AK9: variants seen among roughly 807,000 people sequenced by gnomAD.
AK9 encodes the protein adenylate kinase domain containing 1.
Under a neutral mutation model 239.6 loss-of-function variants are expected in AK9, and 191 were observed. The observed-to-expected ratio is 0.80, with a 90% CI of 0.71 to 0.90. The LOEUF (loss-of-function observed/expected upper bound fraction) is 0.90. Among genes scored for constraint, AK9 ranks in the 40% least tolerant of loss-of-function variants. The pLI, the probability that AK9 is intolerant of heterozygous loss-of-function variation, is 0.00. For missense variants in AK9, 1,995 were observed against 2,214.7 expected, an observed-to-expected ratio of 0.90 and a Z score of 1.99; for synonymous variants, 689 against 721.0, an observed-to-expected ratio of 0.96 and a Z score of 0.71.
chr6:109,529,879 C>A (rs944980014), intron 28 of AK9, among the ~76,000 whole-genome samples: 4 of 152,166 alleles, frequency 2.6e-5, no homozygotes, highest in Non-Finnish European at 5.9e-5. Context: ...GCTTCACTCA[C>A]TTGCCCACTC....
intron 35 of AK9, among the ~76,000 whole-genome samples, chr6:109,500,470 G>A (rs1777498795): frequency 2.0e-5 from 3 of 152,166 alleles, no homozygotes; most frequent in Admixed American, 2.0e-4. Flanking sequence ...GTTATAATGA[G>A]TGGACTTATT....
At chr6:109,543,261 A>G (rs1380091501) in intron 26 of AK9, among the ~76,000 whole-genome samples, 2 of 152,182 alleles carry the variant, frequency 1.3e-5, no homozygotes, top group Non-Finnish European at 2.9e-5. Flanking sequence ...TAGCTAAGGT[A>G]TGATAAACTG....
intron 29 of AK9, among the ~76,000 whole-genome samples, chr6:109,517,892 G>A (rs1389822261): frequency 1.3e-5 from 2 of 152,076 alleles, no homozygotes; most frequent in African/African-American, 4.8e-5. Context: ...TCTCCCTGTA[G>A]TATTCCTTGT....
chr6:109,497,760 A>G, intron 37 of AK9, 36 bp downstream of exon 37: 1 of 1,592,822 alleles, frequency 6.3e-7, no homozygotes, highest in Non-Finnish European at 8.6e-7. Context: ...TGGCGTAGCA[A>G]TATCATTCTA....
chr6:109,593,443 G>T (rs1790561288), intron 17 of AK9, among the ~76,000 whole-genome samples: 1 of 152,038 alleles, frequency 6.6e-6, no homozygotes, highest in African/African-American at 2.4e-5. Context: ...GTACAAAGAG[G>T]AGCCGGTACC....
Position 109,533,409 on chromosome 6 carries a change from C to T in AK9, c.3412G>A (p.Asp1138Asn), listed in dbSNP as rs754985413. ...RYPEEAQFLGDRGFFPDAAVF... is the reference protein window; with the variant it reads ...RYPEEAQFLGNRGFFPDAAVF... ...GCTGCATCTGGGAAAAATCCACGAT[C>T]TCCCAAAAACTGGGCCTCTTCTGGA... The change falls in exon 28 of 41, where the codon GAT becomes AAT. Residue 1138 changes from aspartate (D) to asparagine (N), a missense_variant. By Grantham distance (23) the Asp-to-Asn change is conservative (BLOSUM62 1). Around this residue, in one of 5 missense-constraint regions of AK9, gnomAD observed 1,290 missense variants for 1,392.7 expected, o/e 0.93. Coordinates refer to ENST00000424296, the MANE Select transcript of AK9 (RefSeq NM_001145128.3). The T allele has an allele frequency of 6.2e-7, 1 of 1,610,994 alleles. No individual in the cohort carries two copies. Among genetic ancestry groups the T allele is most frequent in the African/African-American group, 1.3e-5 (1 of 74,964 alleles).
At chr6:109,674,479 T>G (rs898123152) in intron 2 of AK9, among the ~76,000 whole-genome samples, 1 of 152,200 alleles carries the variant, frequency 6.6e-6, no homozygotes, top group Non-Finnish European at 1.5e-5. Context: ...AAATAAACTT[T>G]TTAATATTAA....
intron 28 of AK9, among the ~76,000 whole-genome samples, chr6:109,533,037 T>A (rs184245103): frequency 8.3e-4 from 127 of 152,300 alleles, no homozygotes; most frequent in African/African-American, 3.0e-3. Context: ...ACCTTTCATT[T>A]GCCATAAAGA....
chr6:109,666,642 C>A, intron 5 of AK9, among the ~76,000 whole-genome samples: 1 of 152,196 alleles, frequency 6.6e-6, no homozygotes, highest in Non-Finnish European at 1.5e-5. Flanking sequence ...CACTTTGCCA[C>A]CATTTCTTGG....
Position 109,662,565 on chromosome 6 carries a change from T to A in AK9, c.430A>T (p.Ile144Leu), listed in dbSNP as rs755592006. The A allele has an allele frequency of 1.9e-6, 3 of 1,553,860 alleles. No individual in the cohort carries two copies. The highest frequency in any genetic ancestry group is 4.8e-5 in the East Asian group (2 of 41,658). ...AATATCCTTACCTTTATATTGATTA[T>A]AACATCAGGTTTCAGGTTTAAGTTT... is the stretch of plus-strand genomic sequence containing the variant. ...IKNLNLKPDV[I>L]INIKCPDYDL... The change falls in exon 6 of 41, where the codon ATA becomes TTA. Residue 144 changes from isoleucine (I) to leucine (L), a missense_variant. Ile to Leu is a conservative substitution (Grantham distance 5, BLOSUM62 2). Coordinates refer to ENST00000424296, the MANE Select transcript of AK9 (RefSeq NM_001145128.3).
At chr6:109,554,555 A>G (rs750865679) in intron 24 of AK9, among the ~76,000 whole-genome samples, 13 of 143,914 alleles carry the variant, frequency 9.0e-5, no homozygotes, top group Admixed American at 2.8e-4. Flanking sequence ...TTTTGGAGAA[A>G]AAGTCTCATT....
chr6:109,532,704 T>C (rs1373856081), intron 28 of AK9, among the ~76,000 whole-genome samples: 3 of 152,252 alleles, frequency 2.0e-5, no homozygotes, highest in Non-Finnish European at 4.4e-5. Context: ...ATAATGGTTA[T>C]GAACATTCAC....
At chr6:109,509,492 A>G in intron 32 of AK9, 112 bp from the exon 33 acceptor site, 2 of 932,910 alleles carry the variant, frequency 2.1e-6, no homozygotes, top group South Asian at 3.5e-5. Context: ...GCTTCTAATG[A>G]TCCTGTCCCC....
Position 109,632,080 on chromosome 6 carries a change from A to G in AK9, c.1254+843T>C, listed in dbSNP as rs564758972. On this transcript the variant is annotated intron_variant, in intron 12 of 40. Coordinates refer to ENST00000424296, the MANE Select transcript of AK9 (RefSeq NM_001145128.3). The stretch of plus-strand genomic sequence containing the variant: ...GAGAGGGCGTCTGGGTGCTGGCAAC[A>G]TTCCAGATTTGACCTGGTTGGTGGT... The G allele has an allele frequency of 2.0e-4, 172 of 861,688 alleles. No individual in the cohort carries two copies. The African/African-American group carries it at 3.1e-3, about 15-fold the overall frequency. 53.4% of individuals were successfully genotyped at this position (861,688 alleles called of 1,614,324 possible).
intron 1 of AK9, among the ~76,000 whole-genome samples, chr6:109,685,581 G>T (rs1773387534): frequency 6.6e-6 from 1 of 152,062 alleles, no homozygotes; most frequent in African/African-American, 2.4e-5. Flanking sequence ...GCCTTTCGGG[G>T]GTGGGGGGCT....
At chr6:109,515,747 C>T (rs1420567494) in intron 31 of AK9, 110 bp downstream of exon 31, 2 of 1,003,216 alleles carry the variant, frequency 2.0e-6, no homozygotes, top group Non-Finnish European at 1.4e-6. Context: ...GAGACTACTA[C>T]ACAATACTTA....
At chr6:109,579,463 A>C (rs1788539757) in intron 20 of AK9, 87 bp downstream of exon 20, 2 of 1,284,562 alleles carry the variant, frequency 1.6e-6, no homozygotes, top group Admixed American at 4.6e-5. Context: ...AAATGTGATC[A>C]CCCAGTCTAT....
intron 29 of AK9, among the ~76,000 whole-genome samples, chr6:109,523,960 T>A (rs1780153689): frequency 6.6e-6 from 1 of 152,128 alleles, no homozygotes; most frequent in South Asian, 2.1e-4. Context: ...CATTTACAAT[T>A]CTAGAACATA....
At chr6:109,640,712 G>A (rs750469198) in intron 10 of AK9, among the ~76,000 whole-genome samples, 11 of 151,920 alleles carry the variant, frequency 7.2e-5, no homozygotes, top group Non-Finnish European at 8.8e-5. Flanking sequence ...CCTGGTATGC[G>A]TTTTTTAAAA....
Sources: allele counts gnomAD v4.1 joint callset (sites outside exome capture counted in the v4.1 genomes callset), GRCh38; gene constraint gnomAD v4.1.1; regional missense constraint gnomAD v4.1.1; transcripts MANE v1.5; gene names NCBI Gene and HGNC (gene_info 2026-07-23, HGNC 2026-07-21).